Variants in DYNC2H1 observed in about 807,000 individuals in gnomAD.
DYNC2H1 encodes cytoplasmic dynein 2 heavy chain 1.
A neutral mutation model predicts 570.0 loss-of-function variants in DYNC2H1; 410 were observed. The observed-to-expected ratio is 0.72, with a 90% confidence interval of 0.66 to 0.78. The LOEUF is 0.78. Ranked by LOEUF, DYNC2H1 falls within the 30% of genes least tolerant of loss-of-function variation. The pLI is 0.00. For missense variants in DYNC2H1, 4,865 were observed against 5,046.4 expected (o/e 0.96, Z 1.09); for synonymous variants, 1,688 against 1,677.6 (o/e 1.01, Z -0.15).
chr11:103,296,216 G>A (rs1209566884), intron 75 of DYNC2H1, among the ~76,000 whole-genome samples: 2 of 152,134 alleles, frequency 1.3e-5, no homozygotes, highest in Non-Finnish European at 2.9e-5. Flanking sequence ...TTCTTGCATG[G>A]ATAGTTGTTC....
At position 103,220,671 on chromosome 11, in the gene DYNC2H1, T is replaced by G; in HGVS notation, c.8995T>G (p.Ser2999Ala). Residue 2999 changes from serine to alanine, a missense_variant, in exon 57 of 89, where the codon TCA (serine) becomes GCA (alanine). By Grantham distance (99) the Ser-to-Ala change is moderately conservative. Coordinates refer to ENST00000375735, the MANE Select transcript of DYNC2H1 (RefSeq NM_001377.3). ...AGCAGTTGGAAACATTAAGCCCGAA[T>G]CACTTTCAGAAATTCGCTCACTACG... is the stretch of plus-strand genomic sequence containing the variant. ...KLAVGNIKPE[S>A]LSEIRSLRMP... is the part of the protein sequence containing the mutation. The G allele has an allele frequency of 6.2e-7, 1 of 1,612,464 alleles. No individual in the cohort carries two copies.
At chr11:103,427,696 C>G (rs1284622182) in intron 84 of DYNC2H1, among the ~76,000 whole-genome samples, 1 of 151,994 alleles carries the variant, frequency 6.6e-6, no homozygotes, top group Admixed American at 6.6e-5. Flanking sequence ...AGCAAGCCCT[C>G]TCATATCTTT....
At position 103,163,253 on chromosome 11, in the gene DYNC2H1, C is replaced by A; in HGVS notation, c.4611+106C>A. On this transcript the variant is annotated intron_variant, in intron 30 of 88. Coordinates refer to ENST00000375735, the MANE Select transcript of DYNC2H1 (RefSeq NM_001377.3). The surrounding 1 kb of genome is among the most constrained non-coding windows in gnomAD (Gnocchi z 4.6). ...AATCGCATCTGTTTTCTCCCTTTAT[C>A]TAACAGTTAACGGACAAATTGCTTA... 1 of 1,314,276 alleles carries A rather than the reference C, an allele frequency of 7.6e-7. No individual in the cohort carries two copies. The highest frequency in any genetic ancestry group is 1.0e-6 in the Non-Finnish European group (1 of 985,762). The allele number at this position is 1,314,276 out of a possible 1,614,324, so 81.4% of individuals were successfully genotyped here.
intron 88 of DYNC2H1, among the ~76,000 whole-genome samples, chr11:103,469,006 T>C (rs186656060): frequency 6.6e-6 from 1 of 152,346 alleles, no homozygotes; most frequent in African/African-American, 2.4e-5. Context: ...ATTCCTCTTA[T>C]TTTCAGCAAT....
At chr11:103,443,215 A>T (rs473336) in intron 85 of DYNC2H1, among the ~76,000 whole-genome samples, 53,626 of 151,806 alleles carry the variant, frequency 0.35, 10,011 homozygotes, top group African/African-American at 0.47. Flanking sequence ...TCCTAAATCA[A>T]TCATAGCCTT....
rs1022392397 is a variant in DYNC2H1 at position 103,446,478 on chromosome 11, CG to C, written c.12457-8707del. On this transcript the variant is annotated intron_variant, in intron 85 of 88. Coordinates refer to ENST00000375735, the MANE Select transcript of DYNC2H1 (RefSeq NM_001377.3). The surrounding 1 kb of genome is among the most constrained non-coding windows in gnomAD (Gnocchi z 4.5). ...AAATCATGTTTGGCAACATGGAAGA[CG>C]TTGGTGATCTTGAGGAGATGTTTTG... Among the ~76,000 whole-genome samples, 4 of 152,080 alleles carry C rather than the reference CG, an allele frequency of 2.6e-5. No individual in the cohort carries two copies. The highest frequency in any genetic ancestry group is 9.7e-5 in the African/African-American group (4 of 41,402).
intron 85 of DYNC2H1, among the ~76,000 whole-genome samples, chr11:103,443,114 G>C (rs1319457685): frequency 1.3e-5 from 2 of 151,758 alleles, no homozygotes; most frequent in South Asian, 2.1e-4. Context: ...CAGTTTTTCT[G>C]CTGTTGTCAA....
chr11:103,262,701 G>T (rs1405323426), intron 70 of DYNC2H1, among the ~76,000 whole-genome samples: 1 of 152,040 alleles, frequency 6.6e-6, no homozygotes, highest in Non-Finnish European at 1.5e-5. Context: ...CCTGAAGGAA[G>T]CACCAAATAT....
chr11:103,183,696 A>G (rs1054743195), intron 40 of DYNC2H1, among the ~76,000 whole-genome samples: 3 of 151,938 alleles, frequency 2.0e-5, no homozygotes, highest in African/African-American at 7.2e-5. Flanking sequence ...ATAAGAAAAT[A>G]TAGAAGAAAA....
chr11:103,154,555 A>G lies in DYNC2H1; in HGVS notation c.3407A>G (p.Glu1136Gly), dbSNP rs1186485296. The G allele has an allele frequency of 2.5e-6, 4 of 1,600,206 alleles. No individual in the cohort carries two copies. Among genetic ancestry groups the G allele is most frequent in the Non-Finnish European group, 3.4e-6 (4 of 1,173,402 alleles). The change falls in exon 23 of 89, where the codon GAG becomes GGG. Residue 1136 changes from glutamate to glycine, a missense_variant. This residue lies in a region of DYNC2H1 where 1,936 missense variants were observed against 1,962.1 expected (regional missense o/e 0.99). Coordinates refer to ENST00000375735, the MANE Select transcript of DYNC2H1 (RefSeq NM_001377.3). ...SCAQIWAFYE[E>G]FQQGFQEMAN... ...GCCCAAATTTGGGCCTTTTATGAAG[A>G]GTTTCAACAAGGATTTCAGGAAATG...
Position 103,442,628 on chromosome 11 carries a change from G to A in DYNC2H1, c.12456+6596G>A, listed in dbSNP as rs532353936. On this transcript the variant is annotated intron_variant, in intron 85 of 88. Transcript: ENST00000375735. The stretch of plus-strand genomic sequence containing the variant: ...AGCAATCTTACAAAACATGCTATTT[G>A]TACTGCTTGCAGAAGATAAATCTTG... 2.7e-3 allele frequency among the ~76,000 whole-genome samples: 412 copies of A among 152,168 alleles called. 3 individuals carry two copies. Among genetic ancestry groups the A allele is most frequent in the African/African-American group, 9.5e-3 (395 of 41,552 alleles).
At position 103,243,256 on chromosome 11, in the gene DYNC2H1, T is replaced by TATAGATAG. The variant is rs58016632; in HGVS notation, c.9820-393_9820-386dup. ...TTATAGTTTTTATTCAAACAAAGAA[T>TATAGATAG]ATAGATAGATAGATAGATAGATAGA... On this transcript the variant is annotated intron_variant, in intron 63 of 88. Transcript: ENST00000375735. This position sits in a 1 kb window ranked among gnomAD's most constrained non-coding sequence, Gnocchi z 4.8. 2.0e-4 allele frequency among the ~76,000 whole-genome samples: 29 copies of TATAGATAG among 146,606 alleles called. No homozygotes were observed. Among genetic ancestry groups the TATAGATAG allele is most frequent in the South Asian group, 2.3e-4 (1 of 4,422 alleles).
intron 87 of DYNC2H1, among the ~76,000 whole-genome samples, chr11:103,458,819 C>G (rs1461982665): frequency 6.6e-6 from 1 of 151,992 alleles, no homozygotes; most frequent in Non-Finnish European, 1.5e-5. Context: ...CCTTGCCATT[C>G]CTCTTTCCCA....
At position 103,245,148 on chromosome 11, in the gene DYNC2H1, G is replaced by A; in HGVS notation, c.9919-103G>A. The A allele has an allele frequency of 2.9e-6, 3 of 1,017,568 alleles. No homozygotes were observed. The highest frequency in any genetic ancestry group is 4.2e-6 in the Non-Finnish European group (3 of 721,846). 63.0% of individuals were successfully genotyped at this position (1,017,568 alleles called of 1,614,324 possible). ...TATTACCTATAGAATCTGAAATTGT[G>A]TTTCTATAACATTTTGAAATTACTG... On this transcript the variant is annotated intron_variant, in intron 64 of 88. Transcript: ENST00000375735. The surrounding 1 kb of genome is among the most constrained non-coding windows in gnomAD (Gnocchi z 4.5).
Position 103,395,201 on chromosome 11 carries a change from G to C in DYNC2H1, c.12157-4462G>C, listed in dbSNP as rs1175076711. On this transcript the variant is annotated intron_variant, in intron 83 of 88. Coordinates refer to ENST00000375735, the MANE Select transcript of DYNC2H1 (RefSeq NM_001377.3). The surrounding 1 kb of genome is among the most constrained non-coding windows in gnomAD (Gnocchi z 4.3). ...AGATTGCAAGTAATTGGAAAACTCA[G>C]CTCAAACTGACTTATGTGAAAAATG... Among the ~76,000 whole-genome samples the C allele has an allele frequency of 6.6e-6, 1 of 152,036 alleles. No homozygotes were observed. Among genetic ancestry groups the C allele is most frequent in the African/African-American group, 2.4e-5 (1 of 41,378 alleles).
At chr11:103,329,870 A>C (rs1309548632) in intron 82 of DYNC2H1, among the ~76,000 whole-genome samples, 2 of 152,148 alleles carry the variant, frequency 1.3e-5, no homozygotes, top group Non-Finnish European at 2.9e-5. Context: ...TATTTTTGCT[A>C]TTAGCGTTTT....
chr11:103,250,107 C>G (rs619281), intron 65 of DYNC2H1, among the ~76,000 whole-genome samples: 60,892 of 151,536 alleles, frequency 0.4, 12,502 homozygotes, highest in African/African-American at 0.47. Flanking sequence ...TGTTTTGTTT[C>G]TATTGTGTTT....
At position 103,109,581 on chromosome 11, in the gene DYNC2H1, A is replaced by G. The variant is rs1236312937; in HGVS notation, c.7A>G (p.Asn3Asp). 5.0e-6 allele frequency: 8 copies of G among 1,613,612 alleles called. No homozygotes were observed. The highest frequency in any genetic ancestry group is 6.8e-6 in the Non-Finnish European group (8 of 1,179,740). MA[N>D]GTADVRKLFI... Reference sequence around the variant, plus strand: ...CCCTCCACCCCTTCCAATCATGGCGAACGGGACTGCGGACGTTCGGAAGCT... The same window carrying G: ...CCCTCCACCCCTTCCAATCATGGCGGACGGGACTGCGGACGTTCGGAAGCT... Residue 3 changes from asparagine to aspartate, a missense_variant, in exon 1 of 89, where the codon AAC becomes GAC. Physicochemically the swap from Asn to Asp is conservative, Grantham distance 23. This residue lies in a region of DYNC2H1 where 1,936 missense variants were observed against 1,962.1 expected (regional missense o/e 0.99). Coordinates refer to ENST00000375735, the MANE Select transcript of DYNC2H1 (RefSeq NM_001377.3).
intron 85 of DYNC2H1, among the ~76,000 whole-genome samples, chr11:103,440,064 G>T (rs1306942664): frequency 6.6e-6 from 1 of 151,998 alleles, no homozygotes; most frequent in East Asian, 1.9e-4. Flanking sequence ...GCTTTGGTTT[G>T]GTTCCTTTAT....
Sources: gnomAD v4.1 joint callset for allele counts (sites outside exome capture counted in the v4.1 genomes callset) on GRCh38, gnomAD v4.1.1 for gene constraint, gnomAD v4.1.1 regional missense constraint, Gnocchi (gnomAD v3.1) non-coding constraint, MANE v1.5 for transcripts, NCBI Gene and HGNC (gene_info 2026-07-23, HGNC 2026-07-21) for gene names.